SHLD1: variants seen among roughly 807,000 people sequenced by gnomAD.
SHLD1 encodes the protein RINN1-REV7-interacting novel NHEJ regulator 3.
SHLD1 carries 3 observed loss-of-function variants against 5.5 expected under a neutral mutation model. That is an observed-to-expected ratio of 0.54 (90% confidence interval 0.25 to 1.40). The LOEUF is 1.40. SHLD1 is among the 40% of genes most tolerant of loss of function. The pLI is 0.15. For missense variants in SHLD1, 210 were observed against 244.4 expected, an observed-to-expected ratio of 0.86 and a Z score of 0.94; for synonymous variants, 92 against 94.3, an observed-to-expected ratio of 0.98 and a Z score of 0.14.
chr20:5,860,332 G>T (rs1346561452), intron 2 of SHLD1, among the ~76,000 whole-genome samples: 3 of 152,204 alleles, frequency 2.0e-5, no homozygotes, highest in South Asian at 2.1e-4. Flanking sequence ...CCCCCCAGAG[G>T]TTTGTTTTAA....
At chr20:5,848,778 T>G (rs959283625) in intron 2 of SHLD1, among the ~76,000 whole-genome samples, 19 of 152,316 alleles carry the variant, frequency 1.2e-4, no homozygotes, top group African/African-American at 4.6e-4. Flanking sequence ...TAAACACACC[T>G]GTCTTTGTTT....
chr20:5,847,356 A>G (rs1195008718), intron 2 of SHLD1, among the ~76,000 whole-genome samples: 1 of 152,196 alleles, frequency 6.6e-6, no homozygotes, highest in African/African-American at 2.4e-5. Flanking sequence ...TTTGGTAGTG[A>G]TAAGCCGATG....
chr20:5,808,436 A>G (rs1018266122), intron 2 of SHLD1, among the ~76,000 whole-genome samples: 1 of 152,216 alleles, frequency 6.6e-6, no homozygotes, highest in Non-Finnish European at 1.5e-5. Flanking sequence ...CACAAACAGC[A>G]CGTATATCTT....
intron 2 of SHLD1, among the ~76,000 whole-genome samples, chr20:5,800,239 A>G (rs1977870): frequency 0.85 from 129,422 of 152,054 alleles, 55,314 homozygotes; most frequent in East Asian, 1. Context: ...TTCTTCCCAC[A>G]CTGTCTTGGA....
intron 1 of SHLD1, among the ~76,000 whole-genome samples, chr20:5,767,471 C>G (rs1984904658): frequency 6.6e-6 from 1 of 152,194 alleles, no homozygotes; most frequent in African/African-American, 2.4e-5. Context: ...ACTCTCATTT[C>G]AGTTAGTAAA....
At position 5,750,452 on chromosome 20, in the gene SHLD1, C is replaced by T. The variant is rs1021353527; in HGVS notation, c.-32C>T. On this transcript the variant is annotated 5_prime_UTR_variant, in exon 1 of 3. Coordinates refer to ENST00000303142, the MANE Select transcript of SHLD1 (RefSeq NM_152504.4). ...CGGGGGGCTTGGCGGCTTTTCTCCT[C>T]AGTTTTCTGGAGTGCTTTGGAGGAG... 4.6e-5 allele frequency: 6 copies of T among 131,616 alleles called. No homozygotes were observed. Among genetic ancestry groups the T allele is most frequent in the African/African-American group, 1.8e-4 (6 of 34,148 alleles). The allele number at this position is 131,616 out of a possible 1,614,324, so 8.2% of individuals were successfully genotyped here. A position where few individuals can be genotyped will look rare whatever the true frequency, so the allele number is the denominator to read the frequency against.
At position 5,753,152 on chromosome 20, in the gene SHLD1, T is replaced by C. The variant is rs373320385; in HGVS notation, c.-5+2673T>C. ...GTTTGCTATCTGTCATGTGATGCTATACCAGTGTCAGGTTGGAAGATAAGC... is the reference window on the plus strand; with the variant it reads ...GTTTGCTATCTGTCATGTGATGCTACACCAGTGTCAGGTTGGAAGATAAGC... On this transcript the variant is annotated intron_variant, in intron 1 of 2. Transcript: ENST00000303142. 4.6e-5 allele frequency among the ~76,000 whole-genome samples: 7 copies of C among 152,334 alleles called. 1 individual carries two copies. Among genetic ancestry groups the C allele is most frequent in the Admixed American group, 2.6e-4 (4 of 15,292 alleles).
chr20:5,810,128 G>A (rs370770712), intron 2 of SHLD1, among the ~76,000 whole-genome samples: 2,466 of 151,992 alleles, frequency 0.016, 37 homozygotes, highest in African/African-American at 0.03. Context: ...GTGATGCTGC[G>A]CGCCTGTAAT....
intron 2 of SHLD1, among the ~76,000 whole-genome samples, chr20:5,852,753 A>T (rs2122496494): frequency 6.6e-6 from 1 of 152,330 alleles, no homozygotes; most frequent in Non-Finnish European, 1.5e-5. Flanking sequence ...TCTGGCCTCA[A>T]ATCACTTTCA....
In SHLD1 at chr20:5,863,319, C is replaced by T; in HGVS notation, c.474C>T (p.Ser158=). Residue 158 remains serine, a synonymous_variant, in exon 3 of 3, where the codon TCC becomes TCT. Coordinates refer to ENST00000303142, the MANE Select transcript of SHLD1 (RefSeq NM_152504.4). The part of the protein sequence containing the change: ...ARVIFNRDGC[S]VLQRHSRDTH... ...TGATCTTCAACCGGGACGGCTGCTCCGTCTTACAGAGGCATTCCAGGGACA... is the reference window on the plus strand; with the variant it reads ...TGATCTTCAACCGGGACGGCTGCTCTGTCTTACAGAGGCATTCCAGGGACA... 3.1e-6 allele frequency: 5 copies of T among 1,614,204 alleles called. No homozygotes were observed. The highest frequency in any genetic ancestry group is 2.5e-6 in the Non-Finnish European group (3 of 1,180,040).
chr20:5,814,665 T>C (rs2087504904), intron 2 of SHLD1, among the ~76,000 whole-genome samples: 1 of 142,776 alleles, frequency 7.0e-6, no homozygotes, highest in African/African-American at 2.6e-5. Context: ...TTTTTTTTTT[T>C]TTTTTTTTTT....
rs61110510 is a variant in SHLD1 at position 5,863,271 on chromosome 20, C to T, written c.426C>T (p.Leu142=). Residue 142 remains leucine, a synonymous_variant, in exon 3 of 3, where the codon CTC becomes CTT. Transcript: ENST00000303142. ...GCCAGGAGAGCCAAAAGTATGCCCTCCGCAGTTTTCAAATGGCCCGGGTGA... is the reference window on the plus strand; with the variant it reads ...GCCAGGAGAGCCAAAAGTATGCCCTTCGCAGTTTTCAAATGGCCCGGGTGA... The part of the protein sequence containing the change: ...LRGQESQKYA[L]RSFQMARVIF... 947 of 1,614,184 alleles carry T rather than the reference C, an allele frequency of 5.9e-4. 5 individuals are homozygous for T. The African/African-American group carries it at 9.1e-3, about 16-fold the overall frequency.
intron 1 of SHLD1, among the ~76,000 whole-genome samples, chr20:5,754,189 C>G (rs945087945): frequency 6.6e-6 from 1 of 152,144 alleles, no homozygotes; most frequent in Admixed American, 6.6e-5. Flanking sequence ...CAGCTCACTG[C>G]AGCCTCAACC....
At chr20:5,800,004 C>T (rs2087268636) in intron 2 of SHLD1, among the ~76,000 whole-genome samples, 1 of 53,442 alleles carries the variant, frequency 1.9e-5, no homozygotes, top group African/African-American at 5.7e-5. Flanking sequence ...ATTGCTAGAG[C>T]AGTGGTTCTC....
At chr20:5,803,552 T>G (rs1256175532) in intron 2 of SHLD1, among the ~76,000 whole-genome samples, 1 of 152,010 alleles carries the variant, frequency 6.6e-6, no homozygotes, top group East Asian at 1.9e-4. Flanking sequence ...GTCTCCAGAA[T>G]TCTAGGCATT....
Position 5,764,453 on chromosome 20 carries a change from G to A in SHLD1, c.-4-8409G>A, listed in dbSNP as rs1389357283. Among the ~76,000 whole-genome samples, 5 of 148,636 alleles carry A rather than the reference G, an allele frequency of 3.4e-5. No homozygotes were observed. The East Asian group carries it at 9.9e-4, about 30-fold the overall frequency. Reference sequence around the variant, plus strand: ...GCCTGTAATTTCAGCACTTTGGGGAGCCAGAGTGTGAAGATGGCTGGCCTG... The same window carrying A: ...GCCTGTAATTTCAGCACTTTGGGGAACCAGAGTGTGAAGATGGCTGGCCTG... On this transcript the variant is annotated intron_variant, in intron 1 of 2. Coordinates refer to ENST00000303142, the MANE Select transcript of SHLD1 (RefSeq NM_152504.4).
At chr20:5,843,879 A>G (rs1041140351) in intron 2 of SHLD1, among the ~76,000 whole-genome samples, 2 of 152,324 alleles carry the variant, frequency 1.3e-5, no homozygotes, top group East Asian at 1.9e-4. Context: ...CTAGCCCTTA[A>G]TAACTCATGT....
chr20:5,862,007 G>C (rs1049056423), intron 2 of SHLD1, among the ~76,000 whole-genome samples: 1 of 152,108 alleles, frequency 6.6e-6, no homozygotes, highest in African/African-American at 2.4e-5. Flanking sequence ...CTTTTCCTTA[G>C]TGCTTGCAAA....
At chr20:5,760,570 G>A (rs886348522) in intron 1 of SHLD1, among the ~76,000 whole-genome samples, 2 of 152,038 alleles carry the variant, frequency 1.3e-5, no homozygotes, top group African/African-American at 4.8e-5. Flanking sequence ...GCTTGCACCT[G>A]TAGTCCTGGC....
Sources: gnomAD v4.1 joint callset for allele counts (sites outside exome capture counted in the v4.1 genomes callset) on GRCh38, gnomAD v4.1.1 for gene constraint, MANE v1.5 for transcripts, NCBI Gene and HGNC (gene_info 2026-07-23, HGNC 2026-07-21) for gene names.